Variants in SPOCK3 observed in about 807,000 individuals in gnomAD.
SPOCK3 encodes the protein testican-3.
Under a neutral mutation model 56.6 loss-of-function variants are expected in SPOCK3, and 30 were observed. That is an observed-to-expected ratio of 0.53 (90% CI 0.40 to 0.72). SPOCK3 has a LOEUF of 0.72. Among genes scored for constraint, SPOCK3 ranks in the 30% least tolerant of loss-of-function variants. SPOCK3 has a pLI of 0.00. For synonymous variants in SPOCK3, 196 were observed against 183.3 expected, an observed-to-expected ratio of 1.07 and a Z score of -0.56; for missense variants, 527 against 530.0, an observed-to-expected ratio of 0.99 and a Z score of 0.06.
chr4:167,061,928 G>C (rs980677637), intron 3 of SPOCK3, among the ~76,000 whole-genome samples: 4 of 151,850 alleles, frequency 2.6e-5, no homozygotes, highest in African/African-American at 9.7e-5. Context: ...ACATGTAGAA[G>C]TATTTTCATT....
At chr4:167,009,701 C>A (rs1749834256) in intron 3 of SPOCK3, among the ~76,000 whole-genome samples, 1 of 151,952 alleles carries the variant, frequency 6.6e-6, no homozygotes, top group East Asian at 1.9e-4. Context: ...GCAAACCACA[C>A]CAGGAAACAA....
chr4:166,834,815 C>A (rs1746440886), intron 6 of SPOCK3, among the ~76,000 whole-genome samples: 1 of 151,900 alleles, frequency 6.6e-6, no homozygotes, highest in Admixed American at 6.6e-5. Flanking sequence ...CTCTTTCTCC[C>A]CCATCTTTTT....
intron 4 of SPOCK3, among the ~76,000 whole-genome samples, chr4:166,948,331 C>T (rs1202275173): frequency 2.6e-5 from 4 of 152,076 alleles, no homozygotes; most frequent in Admixed American, 6.6e-5. Context: ...GGAGTGCAGA[C>T]ATTACTTTTA....
intron 4 of SPOCK3, among the ~76,000 whole-genome samples, chr4:166,969,513 A>ATTAAATGTGTTTAAATGTGT (rs112488265): frequency 7.6e-6 from 1 of 132,094 alleles, no homozygotes. Context: ...CTTTTAACAC[A>ATTAAATGTGTTTAAATGTGT]TTAAATGTGT....
intron 4 of SPOCK3, among the ~76,000 whole-genome samples, chr4:166,934,346 A>G (rs1446287416): frequency 6.6e-6 from 1 of 151,032 alleles, no homozygotes; most frequent in African/African-American, 2.4e-5. Flanking sequence ...AAAAAAAAAA[A>G]AATTCGTCAG....
chr4:166,779,381 A>G (rs1739920546), intron 7 of SPOCK3, among the ~76,000 whole-genome samples: 1 of 152,186 alleles, frequency 6.6e-6, no homozygotes, highest in South Asian at 2.1e-4. Context: ...AGATTGTTAA[A>G]TTCAATAAGG....
At chr4:167,167,554 T>C (rs1580496312) in intron 2 of SPOCK3, among the ~76,000 whole-genome samples, 1 of 152,114 alleles carries the variant, frequency 6.6e-6, no homozygotes, top group South Asian at 2.1e-4. Flanking sequence ...GATAAGAGCA[T>C]GAAGGAAAAT....
intron 2 of SPOCK3, among the ~76,000 whole-genome samples, chr4:167,215,256 AG>A (rs951990659): frequency 6.6e-6 from 1 of 152,112 alleles, no homozygotes; most frequent in Non-Finnish European, 1.5e-5. Flanking sequence ...TGATCTGCAA[AG>A]AATAGGTTTC....
chr4:167,040,285 G>C (rs1753131792), intron 3 of SPOCK3, among the ~76,000 whole-genome samples: 1 of 152,164 alleles, frequency 6.6e-6, no homozygotes, highest in African/African-American at 2.4e-5. Flanking sequence ...ATATAGGATA[G>C]TGGGAAGGCA....
intron 4 of SPOCK3, among the ~76,000 whole-genome samples, chr4:166,976,299 G>A (rs975612176): frequency 1.3e-5 from 2 of 152,064 alleles, no homozygotes; most frequent in African/African-American, 4.8e-5. Flanking sequence ...TATTTCATAA[G>A]CTCAATTCTT....
At chr4:167,010,275 C>A (rs1749896810) in intron 3 of SPOCK3, among the ~76,000 whole-genome samples, 1 of 152,038 alleles carries the variant, frequency 6.6e-6, no homozygotes, top group African/African-American at 2.4e-5. Context: ...TATCCCAGCA[C>A]TTTGGGAGGC....
intron 2 of SPOCK3, among the ~76,000 whole-genome samples, chr4:167,149,870 C>T (rs1301124960): frequency 6.6e-6 from 1 of 150,624 alleles, no homozygotes; most frequent in Non-Finnish European, 1.5e-5. Context: ...CACACATATA[C>T]TAAAAGTATA....
intron 6 of SPOCK3, among the ~76,000 whole-genome samples, chr4:166,796,225 A>G (rs62355245): frequency 0.026 from 3,901 of 152,302 alleles, 49 homozygotes; most frequent in Middle Eastern, 0.041. Flanking sequence ...AAGACACACT[A>G]TAACATACTT....
chr4:166,767,924 A>G (rs1738340664), intron 7 of SPOCK3, among the ~76,000 whole-genome samples: 1 of 152,098 alleles, frequency 6.6e-6, no homozygotes, highest in Non-Finnish European at 1.5e-5. Context: ...TGTTGAATTG[A>G]TGCCTTTACC....
At chr4:167,104,790 T>A (rs1433304211) in intron 2 of SPOCK3, among the ~76,000 whole-genome samples, 1 of 148,342 alleles carries the variant, frequency 6.7e-6, no homozygotes, top group Non-Finnish European at 1.5e-5. Context: ...AGGCATTTAA[T>A]AATGAAACTC....
chr4:166,954,195 TG>T (rs1428138939), intron 4 of SPOCK3, among the ~76,000 whole-genome samples: 1 of 152,194 alleles, frequency 6.6e-6, no homozygotes, highest in African/African-American at 2.4e-5. Flanking sequence ...ATAACATTTT[TG>T]TATGTTAACC....
chr4:167,097,558 C>CT (rs1334313242), intron 2 of SPOCK3, among the ~76,000 whole-genome samples: 1 of 151,696 alleles, frequency 6.6e-6, no homozygotes, highest in African/African-American at 2.4e-5. Context: ...TTAATTTCAA[C>CT]TTTAATTTTT....
intron 6 of SPOCK3, among the ~76,000 whole-genome samples, chr4:166,834,319 G>A: frequency 6.6e-6 from 1 of 152,184 alleles, no homozygotes; most frequent in African/African-American, 2.4e-5. Flanking sequence ...CTCATAGGTA[G>A]CCACCTTTTT....
At chr4:166,959,396 C>T (rs193138097) in intron 4 of SPOCK3, among the ~76,000 whole-genome samples, 5 of 152,040 alleles carry the variant, frequency 3.3e-5, no homozygotes, top group Admixed American at 2.0e-4. Flanking sequence ...AGGTGGATCA[C>T]GAGATCAGGA....
Sources: gnomAD v4.1 joint callset for allele counts (sites outside exome capture counted in the v4.1 genomes callset) on GRCh38, gnomAD v4.1.1 for gene constraint, MANE v1.5 for transcripts, NCBI Gene and HGNC (gene_info 2026-07-23, HGNC 2026-07-21) for gene names.